Variants in C6 observed in about 807,000 individuals in gnomAD.
The protein encoded by C6 is complement component C6.
In C6, 101 loss-of-function variants were observed where a neutral mutation model predicts 112.9. The ratio of observed to expected loss-of-function variants is 0.89; its 90% CI spans 0.76 to 1.06. The LOEUF (loss-of-function observed/expected upper bound fraction) is 1.06. Among genes scored for constraint, C6 ranks in the 50% least tolerant of loss-of-function variants. C6 has a pLI of 0.00. For missense variants in C6, 1,202 were observed against 1,104.6 expected (o/e 1.09, Z -1.25); for synonymous variants, 431 against 384.1 (o/e 1.12, Z -1.43).
chr5:41,161,298 T>G (rs1388248835), intron 10 of C6, among the ~76,000 whole-genome samples: 1 of 152,106 alleles, frequency 6.6e-6, no homozygotes, highest in Non-Finnish European at 1.5e-5. Context: ...ATCTAAAATC[T>G]CATTTATCTC....
At chr5:41,173,557 G>A (rs138358064) in intron 8 of C6, among the ~76,000 whole-genome samples, 2 of 152,236 alleles carry the variant, frequency 1.3e-5, no homozygotes, top group South Asian at 2.1e-4. Flanking sequence ...TGCAGAATAC[G>A]AGCACATGAG....
chr5:41,167,883 T>G (rs570045981), intron 9 of C6, among the ~76,000 whole-genome samples: 2 of 152,238 alleles, frequency 1.3e-5, no homozygotes, highest in African/African-American at 4.8e-5. Context: ...GTTTACAGAT[T>G]CATAACTCAT....
intron 1 of C6, among the ~76,000 whole-genome samples, chr5:41,260,284 G>T (rs756982911): frequency 3.7e-4 from 56 of 151,004 alleles, no homozygotes; most frequent in Non-Finnish European, 7.5e-4. Context: ...ACACACACAC[G>T]CCAGCTTTGT....
intron 1 of C6, among the ~76,000 whole-genome samples, chr5:41,247,642 C>T (rs990678332): frequency 6.7e-6 from 1 of 149,822 alleles, no homozygotes; most frequent in Non-Finnish European, 1.5e-5. Context: ...GGCATGAACC[C>T]GGGAGGTGGA....
In C6 at chr5:41,153,982, C is replaced by T. The variant is rs375320778; in HGVS notation, c.2118G>A (p.Lys706=). 368 of 1,613,594 alleles carry T rather than the reference C, an allele frequency of 2.3e-4. No individual in the cohort carries two copies. Among genetic ancestry groups the T allele is most frequent in the Middle Eastern group, 1.6e-3 (10 of 6,064 alleles). The change falls in exon 15 of 18, where the codon AAG becomes AAA. Residue 706 remains lysine, a synonymous_variant. Transcript: ENST00000337836. ...DVECQRTECI[K]PVVQEVLTIT... ...TTGTCAGGACTTCCTGCACAACTGG[C>T]TTGATGCACTCCGTCCCTGCAAGAG... is the stretch of plus-strand genomic sequence containing the variant.
chr5:41,240,229 G>T (rs997577091), intron 1 of C6, among the ~76,000 whole-genome samples: 3 of 152,128 alleles, frequency 2.0e-5, no homozygotes, highest in Non-Finnish European at 4.4e-5. Flanking sequence ...GTGAGGTTTT[G>T]CTGGAAACAG....
intron 1 of C6, among the ~76,000 whole-genome samples, chr5:41,205,561 C>A (rs1206585569): frequency 6.6e-6 from 1 of 152,204 alleles, no homozygotes; most frequent in Non-Finnish European, 1.5e-5. Flanking sequence ...AAATGGCACA[C>A]CAGGAGATTA....
intron 6 of C6, among the ~76,000 whole-genome samples, chr5:41,185,513 C>G (rs1749697940): frequency 6.6e-6 from 1 of 152,120 alleles, no homozygotes. Flanking sequence ...ACGTGTAAAG[C>G]ATGAGTTAGA....
At chr5:41,208,956 G>A (rs968064884) in intron 1 of C6, among the ~76,000 whole-genome samples, 7 of 151,970 alleles carry the variant, frequency 4.6e-5, no homozygotes, top group South Asian at 2.1e-4. Flanking sequence ...GATGAACATC[G>A]ATGCAAAAAT....
intron 1 of C6, among the ~76,000 whole-genome samples, chr5:41,226,745 G>A (rs1445246640): frequency 6.6e-6 from 1 of 151,940 alleles, no homozygotes; most frequent in Non-Finnish European, 1.5e-5. Flanking sequence ...ATTTAGTGTA[G>A]TGTCCTCCAG....
intron 1 of C6, among the ~76,000 whole-genome samples, chr5:41,239,033 A>G (rs1407727439): frequency 2.0e-5 from 3 of 152,002 alleles, no homozygotes; most frequent in Non-Finnish European, 4.4e-5. Flanking sequence ...TGTTACATGC[A>G]TAGAATGCAT....
chr5:41,259,710 C>T (rs554909537), intron 1 of C6, among the ~76,000 whole-genome samples: 1 of 152,214 alleles, frequency 6.6e-6, no homozygotes, highest in South Asian at 2.1e-4. Context: ...TTTCTGTTTC[C>T]TAATTAGTTC....
chr5:41,222,174 AAAAC>A (rs1739214467), intron 1 of C6, among the ~76,000 whole-genome samples: 1 of 151,640 alleles, frequency 6.6e-6, no homozygotes, highest in African/African-American at 2.4e-5. Context: ...TCAAAAAAAA[AAAAC>A]AAAAAAAAGA....
intron 9 of C6, among the ~76,000 whole-genome samples, chr5:41,170,274 TTGTA>T (rs1384336712): frequency 1.3e-5 from 2 of 151,966 alleles, no homozygotes; most frequent in African/African-American, 4.8e-5. Flanking sequence ...GATATCTTTC[TTGTA>T]TGTGATTAAT....
intron 1 of C6, among the ~76,000 whole-genome samples, chr5:41,251,084 A>G (rs1219746228): frequency 1.3e-5 from 2 of 152,226 alleles, no homozygotes; most frequent in African/African-American, 4.8e-5. Context: ...GCGGAGAACT[A>G]TAATAAAATT....
chr5:41,166,653 G>A (rs1350412448), intron 9 of C6, among the ~76,000 whole-genome samples: 37 of 152,118 alleles, frequency 2.4e-4, no homozygotes, highest in Non-Finnish European at 7.4e-5. Context: ...GGAGGAAATA[G>A]AAAGTAAACA....
chr5:41,173,534 T>C (rs756477126), intron 8 of C6, among the ~76,000 whole-genome samples: 6 of 152,176 alleles, frequency 3.9e-5, no homozygotes, highest in Non-Finnish European at 7.3e-5. Flanking sequence ...TGATGTTTAG[T>C]TAAAATTTGC....
intron 7 of C6, among the ~76,000 whole-genome samples, chr5:41,178,267 A>C (rs576084271): frequency 6.6e-6 from 1 of 152,108 alleles, no homozygotes; most frequent in Non-Finnish European, 1.5e-5. Context: ...ACTGAACCTG[A>C]CTGAGTTATC....
intron 9 of C6, among the ~76,000 whole-genome samples, chr5:41,168,339 G>T (rs1243103390): frequency 6.6e-6 from 1 of 152,118 alleles, no homozygotes; most frequent in African/African-American, 2.4e-5. Context: ...AAGAGCAAAG[G>T]TCTTGGAAAT....
Sources: gnomAD v4.1 joint callset for allele counts (sites outside exome capture counted in the v4.1 genomes callset) on GRCh38, gnomAD v4.1.1 for gene constraint, MANE v1.5 for transcripts, NCBI Gene and HGNC (gene_info 2026-07-23, HGNC 2026-07-21) for gene names.